Variants in WNT8B observed in about 807,000 individuals in gnomAD.
The protein encoded by WNT8B is Wnt family member 8B.
In WNT8B, 24 loss-of-function variants were observed where a neutral mutation model predicts 36.6. That is an observed-to-expected ratio of 0.66 (90% CI 0.48 to 0.92). WNT8B has a LOEUF of 0.92. Among genes scored for constraint, WNT8B ranks in the 40% least tolerant of loss-of-function variants. The pLI, the probability that WNT8B is intolerant of heterozygous loss-of-function variation, is 0.00. For missense variants in WNT8B, 402 were observed against 470.8 expected (o/e 0.85, Z 1.35); for synonymous variants, 199 against 189.8 (o/e 1.05, Z -0.40).
At chr10:100,479,849 A>T (rs748781427) in intron 2 of WNT8B, 25 bp from the exon 3 acceptor site, 4 of 1,612,396 alleles carry the variant, frequency 2.5e-6, no homozygotes, top group Admixed American at 3.3e-5. Context: ...GTTCAGTCTG[A>T]ATTTTTACCC....
At chr10:100,467,164 T>A (rs914240668) in intron 1 of WNT8B, among the ~76,000 whole-genome samples, 1 of 152,148 alleles carries the variant, frequency 6.6e-6, no homozygotes, top group African/African-American at 2.4e-5. Flanking sequence ...GCCAAACTTT[T>A]ATGGTTTGTT....
chr10:100,463,444 C>CG (rs963325485), intron 1 of WNT8B, among the ~76,000 whole-genome samples: 2 of 152,078 alleles, frequency 1.3e-5, no homozygotes, highest in Non-Finnish European at 2.9e-5. Context: ...ATGATGGGAG[C>CG]GGGGGTTCCT....
chr10:100,480,013 G>A lies in WNT8B; in HGVS notation c.241+1G>A. The A allele has an allele frequency of 1.2e-6, 2 of 1,612,934 alleles. No individual in the cohort carries two copies. Among genetic ancestry groups the A allele is most frequent in the South Asian group, 1.1e-5 (1 of 91,010 alleles). On this transcript the variant is annotated splice_donor_variant, in intron 3 of 5. Transcript: ENST00000343737. LOFTEE classifies it high-confidence loss of function. ...TCCAGCCATGGTGGGCTTCGCAGTG[G>A]TAAGAAAAACCTCAGCCACAGCTCC...
intron 1 of WNT8B, among the ~76,000 whole-genome samples, chr10:100,475,378 A>G (rs2133654856): frequency 6.6e-6 from 1 of 152,346 alleles, no homozygotes; most frequent in East Asian, 1.9e-4. Context: ...AAACAACAAA[A>G]AAAACAAAAA....
At chr10:100,477,091 A>G (rs1221952522) in intron 1 of WNT8B, among the ~76,000 whole-genome samples, 1 of 152,180 alleles carries the variant, frequency 6.6e-6, no homozygotes, top group East Asian at 1.9e-4. Flanking sequence ...CTCCAGCTCT[A>G]TAATTATATA....
At chr10:100,470,716 A>G (rs1283657841) in intron 1 of WNT8B, among the ~76,000 whole-genome samples, 2 of 151,986 alleles carry the variant, frequency 1.3e-5, no homozygotes, top group Non-Finnish European at 2.9e-5. Context: ...TCATATTCAG[A>G]ATGTTTCTTA....
chr10:100,478,579 G>GT (rs1292743971), intron 1 of WNT8B, among the ~76,000 whole-genome samples: 1 of 150,248 alleles, frequency 6.7e-6, no homozygotes, highest in African/African-American at 2.4e-5. Flanking sequence ...ATGTGTGTGT[G>GT]TGTTTTTTTT....
At chr10:100,467,546 T>C (rs1330066150) in intron 1 of WNT8B, among the ~76,000 whole-genome samples, 1 of 152,180 alleles carries the variant, frequency 6.6e-6, no homozygotes, top group African/African-American at 2.4e-5. Context: ...TTTGCTGCTC[T>C]AAATCTCAGT....
intron 1 of WNT8B, among the ~76,000 whole-genome samples, chr10:100,464,789 C>T (rs1850892842): frequency 6.6e-6 from 1 of 152,188 alleles, no homozygotes; most frequent in Non-Finnish European, 1.5e-5. Flanking sequence ...CTTTATAATA[C>T]AATTAGATTT....
In WNT8B at chr10:100,483,641, A is replaced by C. The variant is rs1414719696; in HGVS notation, c.*825A>C. 5 of 152,384 alleles carry C rather than the reference A, an allele frequency of 3.3e-5. No homozygotes were observed. Among genetic ancestry groups the C allele is most frequent in the Non-Finnish European group, 1.5e-5 (1 of 68,072 alleles). The allele number at this position is 152,384 out of a possible 1,614,324, so 9.4% of individuals were successfully genotyped here. A position where few individuals can be genotyped will look rare whatever the true frequency, so the allele number is the denominator to read the frequency against. On this transcript the variant is annotated 3_prime_UTR_variant, in exon 6 of 6. Transcript: ENST00000343737. ...TTCTCCTGACCTACTTCCTCCTAGC[A>C]ACCAACTTTACCTCTTCTTCTCCAA...
chr10:100,479,285 G>A (rs1034826826), intron 2 of WNT8B, among the ~76,000 whole-genome samples, 200 bp downstream of exon 2: 17 of 152,146 alleles, frequency 1.1e-4, no homozygotes, highest in Non-Finnish European at 1.6e-4. Flanking sequence ...AGATAAGAAC[G>A]CAGGAGCACT....
intron 1 of WNT8B, among the ~76,000 whole-genome samples, chr10:100,478,574 T>G (rs1179885715): frequency 6.6e-6 from 1 of 151,214 alleles, no homozygotes; most frequent in Non-Finnish European, 1.5e-5. Flanking sequence ...GTTTTATGTG[T>G]GTGTGTGTTT....
chr10:100,481,760 T>C (rs1415037773), intron 4 of WNT8B, 152 bp from the exon 5 acceptor site: 2 of 1,129,220 alleles, frequency 1.8e-6, no homozygotes, highest in Non-Finnish European at 2.4e-6. Context: ...AAAACAAATC[T>C]AGACGGCAAC....
intron 1 of WNT8B, 65 bp downstream of exon 1, chr10:100,463,301 G>T: frequency 6.7e-7 from 1 of 1,501,008 alleles, no homozygotes; most frequent in Admixed American, 1.8e-5. Context: ...GTTGGGTAAA[G>T]CTCATTTCAT....
chr10:100,480,433 A>G (rs1389292999), intron 3 of WNT8B, among the ~76,000 whole-genome samples: 1 of 152,238 alleles, frequency 6.6e-6, no homozygotes, highest in Non-Finnish European at 1.5e-5. Flanking sequence ...TGGCCATGCC[A>G]GTAAATGAAA....
intron 2 of WNT8B, 147 bp from the exon 3 acceptor site, chr10:100,479,727 T>A (rs1851085407): frequency 9.4e-7 from 1 of 1,063,420 alleles, no homozygotes; most frequent in Non-Finnish European, 1.3e-6. Context: ...CACAAGTTAT[T>A]TGTGATGTCA....
rs1851149279 is a variant in WNT8B at position 100,483,708 on chromosome 10, C to G, written c.*892C>G. ...TGAGCCAAGACTGAGGTAAATAAAG[C>G]CACTTTCCTCTTCAGATCCTGGTCT... On this transcript the variant is annotated 3_prime_UTR_variant, in exon 6 of 6. Transcript: ENST00000343737. 2.0e-5 allele frequency: 3 copies of G among 152,204 alleles called. No homozygotes were observed. The highest frequency in any genetic ancestry group is 2.0e-4 in the Admixed American group (3 of 15,288). 9.4% of individuals were successfully genotyped at this position (152,204 alleles called of 1,614,324 possible). A position where few individuals can be genotyped will look rare whatever the true frequency, so the allele number is the denominator to read the frequency against.
intron 1 of WNT8B, among the ~76,000 whole-genome samples, chr10:100,467,363 T>C (rs531354984): frequency 6.6e-6 from 1 of 152,258 alleles, no homozygotes; most frequent in South Asian, 2.1e-4. Flanking sequence ...CATCCTATGG[T>C]ACCAGCACAT....
chr10:100,466,168 G>GAAATATCCC (rs1850905712), intron 1 of WNT8B, among the ~76,000 whole-genome samples: 1 of 151,830 alleles, frequency 6.6e-6, no homozygotes, highest in Admixed American at 6.6e-5. Flanking sequence ...AATCCCTGAA[G>GAAATATCCC]TTAAAGAAAT....
Sources: gnomAD v4.1 joint callset for allele counts (sites outside exome capture counted in the v4.1 genomes callset) on GRCh38, gnomAD v4.1.1 for gene constraint, MANE v1.5 for transcripts, NCBI Gene and HGNC (gene_info 2026-07-23, HGNC 2026-07-21) for gene names.